FSAF1: variants seen among roughly 807,000 people sequenced by gnomAD.
FSAF1 encodes uncharacterized protein C1orf131.
chr1:231,239,065 C>T, the FSAF1 span: 1 of 1,614,190 alleles, frequency 6.2e-7, no homozygotes. Flanking sequence ...CCTCTGGCCT[C>T]TTATGAGAGA....
the FSAF1 span, chr1:231,226,902 G>A: frequency 4.4e-6 from 7 of 1,600,008 alleles, no homozygotes; most frequent in East Asian, 1.6e-4. Flanking sequence ...GCCCTGACTT[G>A]CTCTTAGCTT....
At chr1:231,228,447 A>C in the FSAF1 span, among the ~76,000 whole-genome samples, 1 of 152,012 alleles carries the variant, frequency 6.6e-6, no homozygotes, top group Non-Finnish European at 1.5e-5. Context: ...AAAAATACAA[A>C]AATTAGCTGG....
the FSAF1 span, chr1:231,225,822 C>A: frequency 2.7e-6 from 1 of 364,088 alleles, no homozygotes; most frequent in Non-Finnish European, 5.1e-6. Flanking sequence ...GATCCTGTCT[C>A]AGTTAGAAAG....
chr1:231,240,226 T>C, the FSAF1 span, among the ~76,000 whole-genome samples: 42 of 152,244 alleles, frequency 2.8e-4, 1 homozygote, highest in Admixed American at 3.3e-4. The surrounding 1 kb of genome is among the most constrained non-coding windows in gnomAD (Gnocchi z 4.1). Context: ...ATGTGCTATA[T>C]GGCAAGTTCT....
At chr1:231,239,586 T>C in the FSAF1 span, among the ~76,000 whole-genome samples, 1 of 152,242 alleles carries the variant, frequency 6.6e-6, no homozygotes, top group East Asian at 1.9e-4. Context: ...TCCTATTTTC[T>C]TTCACAGTTA....
At chr1:231,235,877 T>C in the FSAF1 span, among the ~76,000 whole-genome samples, 1 of 152,222 alleles carries the variant, frequency 6.6e-6, no homozygotes, top group African/African-American at 2.4e-5. Flanking sequence ...CAATGCACGA[T>C]GCAGCTTAAT....
chr1:231,227,074 G>A, the FSAF1 span: 5 of 1,613,926 alleles, frequency 3.1e-6, no homozygotes, highest in Middle Eastern at 1.6e-4. Context: ...CGAGCCTGCG[G>A]ACACAAAGCA....
the FSAF1 span, chr1:231,225,419 T>C: frequency 1.3e-6 from 2 of 1,550,700 alleles, no homozygotes; most frequent in Non-Finnish European, 1.8e-6. Context: ...TCAGAACTCA[T>C]CAGTAGGTTC....
chr1:231,234,149 G>T, the FSAF1 span, among the ~76,000 whole-genome samples: 2 of 152,160 alleles, frequency 1.3e-5, no homozygotes, highest in African/African-American at 4.8e-5. This position sits in a 1 kb window ranked among gnomAD's most constrained non-coding sequence, Gnocchi z 4.0. Context: ...TTAGCAATTC[G>T]CTATATGCTC....
chr1:231,240,287 G>A, the FSAF1 span, among the ~76,000 whole-genome samples: 3 of 152,194 alleles, frequency 2.0e-5, no homozygotes, highest in African/African-American at 7.2e-5. The surrounding 1 kb of genome is among the most constrained non-coding windows in gnomAD (Gnocchi z 4.1). Flanking sequence ...AGAATTTTGA[G>A]CAGTCATTCC....
At chr1:231,226,785 T>C in the FSAF1 span, 14 of 1,611,156 alleles carry the variant, frequency 8.7e-6, no homozygotes, top group Admixed American at 1.0e-4. Flanking sequence ...TTTAATTTGC[T>C]CCTGTAAAAC....
the FSAF1 span, chr1:231,225,080 A>G: frequency 4.9e-6 from 1 of 202,030 alleles, no homozygotes; most frequent in African/African-American, 2.3e-5. Context: ...CTAACAAACA[A>G]GTATAAAGCA....
the FSAF1 span, chr1:231,226,837 GAACA>G: frequency 6.3e-7 from 1 of 1,598,354 alleles, no homozygotes; most frequent in East Asian, 2.2e-5. Context: ...TGTAATGAAA[GAACA>G]AAGAAACAAA....
the FSAF1 span, chr1:231,225,165 C>T: frequency 2.3e-6 from 1 of 444,256 alleles, no homozygotes. Flanking sequence ...GCTATACAGA[C>T]CCAGACTACG....
the FSAF1 span, among the ~76,000 whole-genome samples, chr1:231,234,400 G>A: frequency 6.6e-6 from 1 of 152,146 alleles, no homozygotes; most frequent in Non-Finnish European, 1.5e-5. This position sits in a 1 kb window ranked among gnomAD's most constrained non-coding sequence, Gnocchi z 4.0. Context: ...TACATCTGAC[G>A]CTTTCATTGC....
chr1:231,227,914 T>C, the FSAF1 span, among the ~76,000 whole-genome samples: 5 of 152,160 alleles, frequency 3.3e-5, no homozygotes, highest in Non-Finnish European at 5.9e-5. Flanking sequence ...CTTGAACAGC[T>C]GATACAAAGA....
At chr1:231,228,444 C>A in the FSAF1 span, among the ~76,000 whole-genome samples, 1 of 151,904 alleles carries the variant, frequency 6.6e-6, no homozygotes, top group Non-Finnish European at 1.5e-5. Flanking sequence ...ATTAAAAATA[C>A]AAAAATTAGC....
At chr1:231,233,750 A>G in the FSAF1 span, among the ~76,000 whole-genome samples, 42 of 152,256 alleles carry the variant, frequency 2.8e-4, no homozygotes, top group South Asian at 1.5e-3. Flanking sequence ...ACAGGATTTC[A>G]CCATATTGGC....
the FSAF1 span, chr1:231,238,713 G>T: frequency 1.4e-6 from 1 of 704,396 alleles, no homozygotes. Flanking sequence ...GCTATATGCT[G>T]AGTCTTGGGT....
Sources: allele counts gnomAD v4.1 joint callset (sites outside exome capture counted in the v4.1 genomes callset), GRCh38; gene constraint gnomAD v4.1.1; non-coding constraint Gnocchi (gnomAD v3.1); transcripts MANE v1.5; gene names NCBI Gene and HGNC (gene_info 2026-07-23, HGNC 2026-07-21).